Variants in MAGI1 observed in about 807,000 individuals in gnomAD.
MAGI1 encodes the protein membrane-associated guanylate kinase, WW and PDZ domain-containing protein 1.
A neutral mutation model predicts 139.9 loss-of-function variants in MAGI1; 58 were observed. The observed-to-expected ratio is 0.41, with a 90% CI of 0.34 to 0.52. The LOEUF is 0.52. Among genes scored for constraint, MAGI1 ranks in the 20% least tolerant of loss-of-function variants. The probability of loss-of-function intolerance (pLI) is 0.12; values close to 1 mark genes in which losing one functional copy is unlikely to be tolerated. For synonymous variants in MAGI1, 812 were observed against 737.9 expected (o/e 1.10, Z -1.63); for missense variants, 1,874 against 1,901.6 (o/e 0.99, Z 0.27).
At chr3:65,766,385 T>C (rs190106951) in intron 1 of MAGI1, among the ~76,000 whole-genome samples, 1 of 152,204 alleles carries the variant, frequency 6.6e-6, no homozygotes, top group Admixed American at 6.5e-5. Context: ...AGGAGGAACA[T>C]AAACTAGATT....
chr3:65,663,305 T>C (rs2086309452), intron 1 of MAGI1, among the ~76,000 whole-genome samples: 1 of 152,188 alleles, frequency 6.6e-6, no homozygotes, highest in African/African-American at 2.4e-5. Flanking sequence ...ACAGCATTGG[T>C]CAATTGCTAC....
intron 2 of MAGI1, among the ~76,000 whole-genome samples, chr3:65,544,228 T>C (rs1279587301): frequency 6.6e-6 from 1 of 152,178 alleles, no homozygotes; most frequent in East Asian, 1.9e-4. Context: ...TATTTTACCA[T>C]AAAATACTAC....
At chr3:65,414,137 T>C (rs1175158769) in intron 12 of MAGI1, among the ~76,000 whole-genome samples, 1 of 152,222 alleles carries the variant, frequency 6.6e-6, no homozygotes, top group Non-Finnish European at 1.5e-5. Flanking sequence ...GATGGTGATC[T>C]TAATGCAAGC....
chr3:65,430,894 A>G lies in MAGI1; in HGVS notation c.1364-13T>C. ...AAAAAGGGTTTGCCTGGATTAAAATAAGAAACGCATAAGGAATGTCACCAC... is the reference window on the plus strand; with the variant it reads ...AAAAAGGGTTTGCCTGGATTAAAATGAGAAACGCATAAGGAATGTCACCAC... On this transcript the variant is annotated splice_polypyrimidine_tract_variant and intron_variant, in intron 10 of 22. Transcript: ENST00000402939. The G allele has an allele frequency of 6.2e-7, 1 of 1,612,048 alleles. No individual in the cohort carries two copies. Among genetic ancestry groups the G allele is most frequent in the Non-Finnish European group, 8.5e-7 (1 of 1,178,832 alleles).
At chr3:65,697,143 C>T (rs1162684748) in intron 1 of MAGI1, among the ~76,000 whole-genome samples, 4 of 152,128 alleles carry the variant, frequency 2.6e-5, no homozygotes, top group African/African-American at 9.6e-5. Context: ...ATAAATTCCT[C>T]AACACATACA....
At chr3:65,627,011 G>GA (rs1424363614) in intron 1 of MAGI1, among the ~76,000 whole-genome samples, 9 of 152,144 alleles carry the variant, frequency 5.9e-5, no homozygotes, top group African/African-American at 2.2e-4. Context: ...ATAGAAAAGA[G>GA]AACATAGGTC....
chr3:66,004,391 C>T (rs1279591123), intron 1 of MAGI1, among the ~76,000 whole-genome samples: 5 of 152,182 alleles, frequency 3.3e-5, no homozygotes, highest in Non-Finnish European at 4.4e-5. Flanking sequence ...AACACCTACA[C>T]GTGGCCTCTC....
chr3:65,581,915 T>C (rs1171818773), intron 2 of MAGI1, among the ~76,000 whole-genome samples: 1 of 152,126 alleles, frequency 6.6e-6, no homozygotes, highest in African/African-American at 2.4e-5. Flanking sequence ...TCCTGACACT[T>C]AGAAAAGTGC....
intron 1 of MAGI1, among the ~76,000 whole-genome samples, chr3:65,951,446 A>C (rs1219991655): frequency 6.6e-6 from 1 of 152,232 alleles, no homozygotes; most frequent in Admixed American, 6.5e-5. Context: ...TTTCCAATGA[A>C]ACTGTTGCAT....
chr3:66,011,529 G>C (rs370768366), intron 1 of MAGI1, among the ~76,000 whole-genome samples: 7 of 152,172 alleles, frequency 4.6e-5, no homozygotes, highest in African/African-American at 1.7e-4. Context: ...ACTTGTGTTG[G>C]CTGCAGAGAG....
intron 4 of MAGI1, 47 bp from the exon 5 acceptor site, chr3:65,470,531 A>C (rs752099517): frequency 1.5e-6 from 2 of 1,324,472 alleles, no homozygotes; most frequent in Non-Finnish European, 2.1e-6. Flanking sequence ...GAGAAAAAAA[A>C]AAAATGGTAT....
At chr3:65,784,958 G>A (rs1323716714) in intron 1 of MAGI1, among the ~76,000 whole-genome samples, 3 of 152,166 alleles carry the variant, frequency 2.0e-5, no homozygotes, top group Non-Finnish European at 4.4e-5. Context: ...GGTGGCGGTG[G>A]AGGGCAGAGA....
At chr3:65,620,050 A>C in intron 2 of MAGI1, 7 of 939,050 alleles carry the variant, frequency 7.5e-6, no homozygotes, top group Non-Finnish European at 6.3e-6. Context: ...CATTTAGCTC[A>C]CAGTCAGGTC....
At chr3:65,436,206 G>T (rs542226651) in intron 10 of MAGI1, among the ~76,000 whole-genome samples, 1 of 150,530 alleles carries the variant, frequency 6.6e-6, no homozygotes, top group Non-Finnish European at 1.5e-5. Context: ...TAAAATTAAA[G>T]AAATGAATTA....
At position 65,453,065 on chromosome 3, in the gene MAGI1, TA is replaced by T. The variant is rs200070932; in HGVS notation, c.1042+192del. 153 of 587,492 alleles carry T rather than the reference TA, an allele frequency of 2.6e-4. 2 individuals carry two copies. The highest frequency in any genetic ancestry group is 2.5e-3 in the East Asian group (90 of 35,452). The allele number at this position is 587,492 out of a possible 1,614,324, so 36.4% of individuals were successfully genotyped here. A position where few individuals can be genotyped will look rare whatever the true frequency, so the allele number is the denominator to read the frequency against. On this transcript the variant is annotated intron_variant, in intron 6 of 22. Transcript: ENST00000402939. Reference sequence around the variant, plus strand: ...ATTAGTAAGCATCTGTCTTTATGTGTAAACAAATTCTTCTCTTGAAACAACT... The same window carrying T: ...ATTAGTAAGCATCTGTCTTTATGTGTAACAAATTCTTCTCTTGAAACAACT...
At chr3:65,548,381 C>T (rs376762692) in intron 2 of MAGI1, among the ~76,000 whole-genome samples, 14 of 152,260 alleles carry the variant, frequency 9.2e-5, no homozygotes, top group African/African-American at 3.1e-4. Flanking sequence ...TCTCCCTGCA[C>T]TGGGGACCAC....
At chr3:65,407,173 G>A (rs763261453) in intron 12 of MAGI1, among the ~76,000 whole-genome samples, 6 of 152,114 alleles carry the variant, frequency 3.9e-5, no homozygotes, top group Non-Finnish European at 7.4e-5. Context: ...CAGGCAGGGC[G>A]CGGAGGCTCA....
chr3:65,648,270 G>C (rs1234388241), intron 1 of MAGI1, among the ~76,000 whole-genome samples: 2 of 151,300 alleles, frequency 1.3e-5, no homozygotes, highest in Non-Finnish European at 2.9e-5. Flanking sequence ...TCAGCTTCCA[G>C]AGAAGCTAGT....
intron 12 of MAGI1, among the ~76,000 whole-genome samples, chr3:65,416,474 A>G (rs1459411907): frequency 6.6e-6 from 1 of 152,342 alleles, no homozygotes; most frequent in East Asian, 1.9e-4. Context: ...ATTTCTAGAA[A>G]AAGCATTAGG....
Sources: allele counts gnomAD v4.1 joint callset (sites outside exome capture counted in the v4.1 genomes callset), GRCh38; gene constraint gnomAD v4.1.1; transcripts MANE v1.5; gene names NCBI Gene and HGNC (gene_info 2026-07-23, HGNC 2026-07-21).